Variants in R3HDM1 observed in about 807,000 individuals in gnomAD.
The protein encoded by R3HDM1 is R3H domain-containing protein 1.
Under a neutral mutation model 141.1 loss-of-function variants are expected in R3HDM1, and 46 were observed. The ratio of observed to expected loss-of-function variants is 0.33; its 90% CI spans 0.26 to 0.42. The LOEUF is 0.42. Ranked by LOEUF, R3HDM1 falls within the 10% of genes least tolerant of loss-of-function variation. The pLI is 1.00. For missense variants in R3HDM1, 1,184 were observed against 1,368.3 expected (o/e 0.87, Z 2.12); for synonymous variants, 435 against 472.9 (o/e 0.92, Z 1.04).
chr2:135,581,934 C>T (rs1706904507), intron 1 of R3HDM1, among the ~76,000 whole-genome samples: 2 of 152,150 alleles, frequency 1.3e-5, no homozygotes, highest in Admixed American at 1.3e-4. Context: ...ATCAAATTAT[C>T]TTGGTGAATT....
At chr2:135,551,148 A>T (rs1699765361) in intron 1 of R3HDM1, among the ~76,000 whole-genome samples, 1 of 152,246 alleles carries the variant, frequency 6.6e-6, no homozygotes, top group Non-Finnish European at 1.5e-5. Flanking sequence ...TCATAGGCAC[A>T]GAGTAGTGAT....
chr2:135,627,853 A>G (rs2062207344), intron 7 of R3HDM1, among the ~76,000 whole-genome samples: 1 of 152,180 alleles, frequency 6.6e-6, no homozygotes, highest in Non-Finnish European at 1.5e-5. Context: ...CAGAAGCATT[A>G]CTATTTTCTT....
At chr2:135,621,340 G>T (rs1449995641) in intron 5 of R3HDM1, among the ~76,000 whole-genome samples, 154 bp from the exon 6 acceptor site, 1 of 152,020 alleles carries the variant, frequency 6.6e-6, no homozygotes, top group East Asian at 1.9e-4. Flanking sequence ...AAGTAGTAAA[G>T]TATTATTAAG....
chr2:135,626,283 A>G (rs2062047973), intron 7 of R3HDM1, among the ~76,000 whole-genome samples: 1 of 151,496 alleles, frequency 6.6e-6, no homozygotes, highest in African/African-American at 2.4e-5. Context: ...TTTGGGTCAC[A>G]GAAGTCTTCT....
At chr2:135,687,554 C>T (rs2071570242) in intron 21 of R3HDM1, among the ~76,000 whole-genome samples, 1 of 150,332 alleles carries the variant, frequency 6.7e-6, no homozygotes, top group Non-Finnish European at 1.5e-5. Flanking sequence ...AATACTTCTC[C>T]AAAAAGCAAG....
chr2:135,692,507 G>A (rs992100977), intron 21 of R3HDM1, among the ~76,000 whole-genome samples: 9 of 152,082 alleles, frequency 5.9e-5, no homozygotes, highest in Non-Finnish European at 1.2e-4. Flanking sequence ...CAGGAGAATC[G>A]CTTGAACCCA....
chr2:135,626,726 A>AT (rs1252188651), intron 7 of R3HDM1, among the ~76,000 whole-genome samples: 2 of 152,180 alleles, frequency 1.3e-5, no homozygotes, highest in Non-Finnish European at 2.9e-5. Context: ...CAATATACAG[A>AT]TAGGAGCACT....
chr2:135,533,739 C>T (rs1027648125), intron 1 of R3HDM1, among the ~76,000 whole-genome samples: 126 of 152,234 alleles, frequency 8.3e-4, no homozygotes, highest in African/African-American at 2.9e-3. Context: ...ATTAGTCGCT[C>T]ATGGTGGCGG....
chr2:135,563,021 G>C (rs1238429250), intron 1 of R3HDM1, among the ~76,000 whole-genome samples: 1 of 152,154 alleles, frequency 6.6e-6, no homozygotes, highest in Non-Finnish European at 1.5e-5. Context: ...GTTTGGATAA[G>C]TTATTTGGTC....
At chr2:135,690,020 A>T (rs2072064128) in intron 21 of R3HDM1, among the ~76,000 whole-genome samples, 1 of 152,184 alleles carries the variant, frequency 6.6e-6, no homozygotes, top group Non-Finnish European at 1.5e-5. Context: ...AAAAGACTAT[A>T]GCCTTTTTTT....
chr2:135,698,493 C>T (rs1168691023), intron 21 of R3HDM1, among the ~76,000 whole-genome samples: 2 of 152,142 alleles, frequency 1.3e-5, no homozygotes, highest in Non-Finnish European at 1.5e-5. Context: ...TAGCAATGTT[C>T]TGTTTCCCAA....
In R3HDM1 at chr2:135,591,236, C is replaced by T. The variant is rs1271114460; in HGVS notation, c.-249-11264C>T. Among the ~76,000 whole-genome samples the T allele has an allele frequency of 2.6e-5, 4 of 152,200 alleles. No homozygotes were observed. The East Asian group carries it at 5.8e-4, about 22-fold the overall frequency. On this transcript the variant is annotated intron_variant, in intron 1 of 26. Coordinates refer to ENST00000683871, the MANE Select transcript of R3HDM1 (RefSeq NM_001378107.1). The stretch of plus-strand genomic sequence containing the variant: ...GATTCTTTGATAATAAGCTTTGTAC[C>T]TTTAAGACCTGTAAAGGATTTTCAT...
chr2:135,665,348 G>A, intron 19 of R3HDM1: 1 of 503,770 alleles, frequency 2.0e-6, no homozygotes, highest in Non-Finnish European at 4.2e-6. Flanking sequence ...TGACAAGTTT[G>A]TAGCTTCACC....
At chr2:135,665,816 G>T (rs2105319494) in intron 19 of R3HDM1, among the ~76,000 whole-genome samples, 1 of 152,172 alleles carries the variant, frequency 6.6e-6, no homozygotes, top group South Asian at 2.1e-4. Flanking sequence ...ACTTTTTAGG[G>T]ATATTGTTAT....
intron 1 of R3HDM1, among the ~76,000 whole-genome samples, chr2:135,572,509 A>T (rs1019986402): frequency 2.0e-5 from 3 of 152,234 alleles, no homozygotes; most frequent in African/African-American, 7.2e-5. Context: ...CATGCCCACT[A>T]GGATGACTAT....
chr2:135,703,829 A>G (rs1346739241), intron 21 of R3HDM1, among the ~76,000 whole-genome samples: 1 of 152,260 alleles, frequency 6.6e-6, no homozygotes. Flanking sequence ...TTTATATTAT[A>G]CTAGGTATAT....
chr2:135,582,738 G>A (rs1354464201), intron 1 of R3HDM1, among the ~76,000 whole-genome samples: 1 of 152,156 alleles, frequency 6.6e-6, no homozygotes, highest in East Asian at 1.9e-4. Context: ...ACTGTATATA[G>A]TTAATAGGAG....
At chr2:135,665,116 A>ACT (rs1314963309) in intron 19 of R3HDM1, among the ~76,000 whole-genome samples, 1 of 152,244 alleles carries the variant, frequency 6.6e-6, no homozygotes, top group Non-Finnish European at 1.5e-5. Flanking sequence ...AATGAAAGCA[A>ACT]CTATTTCAAA....
chr2:135,561,331 G>A, intron 1 of R3HDM1: 1 of 983,890 alleles, frequency 1.0e-6, no homozygotes, highest in Non-Finnish European at 1.2e-6. Flanking sequence ...TATATTTTGT[G>A]GCAGCTTTTC....
Sources: allele counts gnomAD v4.1 joint callset (sites outside exome capture counted in the v4.1 genomes callset), GRCh38; gene constraint gnomAD v4.1.1; transcripts MANE v1.5; gene names NCBI Gene and HGNC (gene_info 2026-07-23, HGNC 2026-07-21).